The following ADGRL2 variants were observed in gnomAD, a reference collection of about 807,000 sequenced individuals.
The protein encoded by ADGRL2 is adhesion G protein-coupled receptor L2, also known as calcium-independent alpha-latrotoxin receptor 2.
ADGRL2 carries 44 observed loss-of-function variants against 157.4 expected under a neutral mutation model. That is an observed-to-expected ratio of 0.28 (90% CI 0.22 to 0.36). The LOEUF (loss-of-function observed/expected upper bound fraction) is 0.36. ADGRL2 is among the 10% of genes least tolerant of loss of function. The pLI is 1.00. For synonymous variants in ADGRL2, 585 were observed against 624.7 expected, an observed-to-expected ratio of 0.94 and a Z score of 0.95; for missense variants, 1,510 against 1,768.9, an observed-to-expected ratio of 0.85 and a Z score of 2.63.
At chr1:81,525,663 T>C (rs1247792161) in intron 2 of ADGRL2, among the ~76,000 whole-genome samples, 2 of 152,134 alleles carry the variant, frequency 1.3e-5, no homozygotes, top group African/African-American at 4.8e-5. Context: ...TCTTCCTAAC[T>C]CCATTTTCAG....
At chr1:81,479,662 A>G (rs1367812385) in intron 2 of ADGRL2, among the ~76,000 whole-genome samples, 2 of 152,146 alleles carry the variant, frequency 1.3e-5, no homozygotes, top group Non-Finnish European at 2.9e-5. Flanking sequence ...CTACAGTACT[A>G]AAAAGAATGT....
chr1:81,470,942 G>T (rs1370265162), intron 2 of ADGRL2, among the ~76,000 whole-genome samples: 1 of 152,162 alleles, frequency 6.6e-6, no homozygotes, highest in Admixed American at 6.5e-5. Flanking sequence ...TTCAGGTTTG[G>T]TCAGATCAGT....
At chr1:81,634,570 T>C (rs1391512454) in intron 3 of ADGRL2, among the ~76,000 whole-genome samples, 4 of 151,430 alleles carry the variant, frequency 2.6e-5, no homozygotes, top group East Asian at 1.9e-4. Context: ...AGTCTCGCTC[T>C]GTCACCCAGG....
intron 3 of ADGRL2, among the ~76,000 whole-genome samples, chr1:81,583,030 A>G (rs1375771511): frequency 6.6e-6 from 1 of 152,140 alleles, no homozygotes; most frequent in East Asian, 1.9e-4. Flanking sequence ...GGGTTAGAGG[A>G]TTTCTCACTG....
chr1:81,733,951 A>G (rs780705282), intron 1 of ADGRL2, among the ~76,000 whole-genome samples: 19 of 152,168 alleles, frequency 1.2e-4, no homozygotes, highest in Non-Finnish European at 2.8e-4. Flanking sequence ...GCTTACCTAT[A>G]TAACAAAGCT....
At chr1:81,754,643 T>C in intron 1 of ADGRL2, among the ~76,000 whole-genome samples, 1 of 148,888 alleles carries the variant, frequency 6.7e-6, no homozygotes, top group Non-Finnish European at 1.5e-5. Context: ...TCTTTTCCTT[T>C]CCTTTCCTTC....
chr1:81,541,616 C>T (rs2079885220), intron 2 of ADGRL2, among the ~76,000 whole-genome samples: 1 of 152,100 alleles, frequency 6.6e-6, no homozygotes, highest in African/African-American at 2.4e-5. Context: ...TCAAATGTAG[C>T]AAATGATCTC....
chr1:81,805,779 A>C (rs2089045655), intron 1 of ADGRL2, among the ~76,000 whole-genome samples: 1 of 151,602 alleles, frequency 6.6e-6, no homozygotes, highest in Non-Finnish European at 1.5e-5. Context: ...TATTGCACTT[A>C]AGTTGCTGTT....
chr1:81,934,008 G>A (rs2095273095), intron 3 of ADGRL2, among the ~76,000 whole-genome samples: 3 of 152,004 alleles, frequency 2.0e-5, no homozygotes, highest in Admixed American at 1.3e-4. Flanking sequence ...AATTTAAAAT[G>A]AATATTTTTT....
chr1:81,441,988 C>T (rs889641335), intron 1 of ADGRL2, among the ~76,000 whole-genome samples: 25 of 152,230 alleles, frequency 1.6e-4, no homozygotes, highest in African/African-American at 6.0e-4. Flanking sequence ...TGCACACTAC[C>T]ATGCCTGGTT....
chr1:81,753,967 G>C (rs1402585191), intron 1 of ADGRL2, among the ~76,000 whole-genome samples: 1 of 152,156 alleles, frequency 6.6e-6, no homozygotes, highest in East Asian at 1.9e-4. Flanking sequence ...GTGAGAATGA[G>C]TTGTGGTCTA....
At chr1:81,374,309 G>A (rs1053585379) in intron 1 of ADGRL2, among the ~76,000 whole-genome samples, 4 of 138,588 alleles carry the variant, frequency 2.9e-5, no homozygotes, top group East Asian at 3.9e-4. Flanking sequence ...GGTGGCTCAC[G>A]CCTATAAATC....
At chr1:81,573,355 C>A (rs1025372386) in intron 2 of ADGRL2, among the ~76,000 whole-genome samples, 8 of 152,040 alleles carry the variant, frequency 5.3e-5, no homozygotes, top group African/African-American at 1.7e-4. Flanking sequence ...CCTTCCTTAA[C>A]CTTTTTCCTC....
intron 1 of ADGRL2, among the ~76,000 whole-genome samples, chr1:81,802,657 C>T (rs2088426734): frequency 6.6e-6 from 1 of 152,028 alleles, no homozygotes; most frequent in Admixed American, 6.6e-5. Context: ...AGCGCGTCCT[C>T]GGCGGAGCTT....
At chr1:81,464,456 C>T (rs1031151706) in intron 2 of ADGRL2, among the ~76,000 whole-genome samples, 1 of 152,126 alleles carries the variant, frequency 6.6e-6, no homozygotes, top group Non-Finnish European at 1.5e-5. Context: ...TCTAGTGAAA[C>T]AAGAGCATGA....
At chr1:81,787,425 A>T (rs2087105384) in intron 2 of ADGRL2, among the ~76,000 whole-genome samples, 1 of 152,040 alleles carries the variant, frequency 6.6e-6, no homozygotes, top group African/African-American at 2.4e-5. Flanking sequence ...TAGGAGGAGG[A>T]GGGTGGATCA....
At chr1:81,363,108 A>G (rs1281998149) in intron 1 of ADGRL2, among the ~76,000 whole-genome samples, 1 of 152,114 alleles carries the variant, frequency 6.6e-6, no homozygotes, top group African/African-American at 2.4e-5. Flanking sequence ...AAGCAAAACG[A>G]ATATCTTAAA....
At chr1:81,702,441 T>A (rs968567580) in intron 1 of ADGRL2, among the ~76,000 whole-genome samples, 2 of 152,208 alleles carry the variant, frequency 1.3e-5, no homozygotes, top group African/African-American at 4.8e-5. Flanking sequence ...AACCTTCTCA[T>A]GCTACATATC....
At chr1:81,553,338 C>A (rs943168408) in intron 2 of ADGRL2, among the ~76,000 whole-genome samples, 31 of 152,184 alleles carry the variant, frequency 2.0e-4, no homozygotes, top group African/African-American at 7.2e-4. Flanking sequence ...AATTTAAGCA[C>A]CCGGTTTTTG....
Sources: allele counts gnomAD v4.1 joint callset (sites outside exome capture counted in the v4.1 genomes callset), GRCh38; gene constraint gnomAD v4.1.1; transcripts MANE v1.5; gene names NCBI Gene and HGNC (gene_info 2026-07-23, HGNC 2026-07-21).